Variants in HCN3 observed in about 807,000 individuals in gnomAD.
The protein encoded by HCN3 is potassium/sodium hyperpolarization-activated cyclic nucleotide-gated channel 3.
Under a neutral mutation model 56.8 loss-of-function variants are expected in HCN3, and 36 were observed. The observed-to-expected ratio is 0.63, with a 90% CI of 0.49 to 0.84. The LOEUF is 0.84. Among genes scored for constraint, HCN3 ranks in the 40% least tolerant of loss-of-function variants. The pLI is 0.00. For synonymous variants in HCN3, 425 were observed against 439.7 expected, an observed-to-expected ratio of 0.97 and a Z score of 0.42; for missense variants, 930 against 1,079.3, an observed-to-expected ratio of 0.86 and a Z score of 1.94.
In HCN3 at chr1:155,288,367, G is replaced by C. The variant is rs745447806; in HGVS notation, c.2229G>C (p.Gly743=). The stretch of plus-strand genomic sequence containing the variant: ...GAAGTGAGCGGCTGCCTCCCTCAGG[G>C]CTCCTGGCCAAACCTCCAAGGACAG... ...GSGSERLPPS[G]LLAKPPRTAQ... Residue 743 remains glycine, a synonymous_variant, in exon 8 of 8, where the codon GGG becomes GGC. Coordinates refer to ENST00000368358, the MANE Select transcript of HCN3 (RefSeq NM_020897.3). This position sits in a 1 kb window ranked among gnomAD's most constrained non-coding sequence, Gnocchi z 6.5. The C allele has an allele frequency of 2.5e-6, 4 of 1,613,840 alleles. No homozygotes were observed. Among genetic ancestry groups the C allele is most frequent in the Non-Finnish European group, 3.4e-6 (4 of 1,180,006 alleles).
At position 155,287,960 on chromosome 1, in the gene HCN3, C is replaced by T; in HGVS notation, c.1822C>T (p.His608Tyr). The T allele has an allele frequency of 6.2e-7, 1 of 1,614,130 alleles. No homozygotes were observed. The highest frequency in any genetic ancestry group is 8.5e-7 in the Non-Finnish European group (1 of 1,180,024). Residue 608 changes from histidine (H) to tyrosine (Y), a missense_variant, in exon 8 of 8, where the codon CAT (histidine) becomes TAT (tyrosine). His to Tyr is a moderately conservative substitution (Grantham distance 83, BLOSUM62 2). Transcript: ENST00000368358. ...GKPVLWEPLV[H>Y]APLQAAAVTS... is the part of the protein sequence containing the mutation. ...GCCAGTACTGTGGGAGCCACTGGTA[C>T]ATGCGCCCCTTCAGGCAGCTGCTGT...
chr1:155,277,485 C>G lies in HCN3; in HGVS notation c.-106C>G, dbSNP rs1673850938. 7.3e-7 allele frequency: 1 copy of G among 1,367,686 alleles called. No homozygotes were observed. Among genetic ancestry groups the G allele is most frequent in the Non-Finnish European group, 9.7e-7 (1 of 1,035,478 alleles). The allele number at this position is 1,367,686 out of a possible 1,614,324, so 84.7% of individuals were successfully genotyped here. On this transcript the variant is annotated 5_prime_UTR_variant, in exon 1 of 8. Coordinates refer to ENST00000368358, the MANE Select transcript of HCN3 (RefSeq NM_020897.3). Reference sequence around the variant, plus strand: ...GGCGATTCCGAGCCTACGACGCCTCCGCTAGAGCCCGCGGGGCTGCGCCGA... The same window carrying G: ...GGCGATTCCGAGCCTACGACGCCTCGGCTAGAGCCCGCGGGGCTGCGCCGA...
At position 155,288,069 on chromosome 1, in the gene HCN3, G is replaced by C. The variant is rs569376899; in HGVS notation, c.1931G>C (p.Arg644Pro). The C allele has an allele frequency of 1.2e-6, 2 of 1,612,750 alleles. No homozygotes were observed. The highest frequency in any genetic ancestry group is 1.7e-5 in the Admixed American group (1 of 59,962). Residue 644 changes from arginine (R) to proline (P), a missense_variant, in exon 8 of 8, where the codon CGC becomes CCC. By Grantham distance (103) the Arg-to-Pro change is moderately radical (BLOSUM62 -2). Transcript: ENST00000368358. The surrounding 1 kb of genome is among the most constrained non-coding windows in gnomAD (Gnocchi z 6.5). ...GACTCTCCAGCCACCCTCCTTGCTC[G>C]CTCTGCTTGGCGCTCAGCAGGCTCT... ...SPDSPATLLARSAWRSAGSPA... is the reference protein window; with the variant it reads ...SPDSPATLLAPSAWRSAGSPA...
rs1674116210 is a variant in HCN3, at chr1:155,282,831, G to A, written c.699G>A (p.Gln233=). 6.2e-7 allele frequency: 1 copy of A among 1,610,170 alleles called. No homozygotes were observed. The highest frequency in any genetic ancestry group is 8.5e-7 in the Non-Finnish European group (1 of 1,178,162). The stretch of plus-strand genomic sequence containing the variant: ...CCCGCCTCATCCGCTACATACACCA[G>A]TGGGAGGAGGTGGGGTGGGGAGATG... The part of the protein sequence containing the change: ...RLSRLIRYIH[Q]WEEIFHMTYD... The change falls in exon 2 of 8, where the codon CAG becomes CAA. Residue 233 remains glutamine, a synonymous_variant. Transcript: ENST00000368358. The surrounding 1 kb of genome is among the most constrained non-coding windows in gnomAD (Gnocchi z 4.7).
chr1:155,285,878 A>G lies in HCN3; in HGVS notation c.1391A>G (p.Lys464Arg), dbSNP rs778304407. Residue 464 changes from lysine (K) to arginine (R), a missense_variant, in exon 6 of 8, where the codon AAG (lysine) becomes AGG (arginine). Coordinates refer to ENST00000368358, the MANE Select transcript of HCN3 (RefSeq NM_020897.3). This position sits in a 1 kb window ranked among gnomAD's most constrained non-coding sequence, Gnocchi z 4.5. ...LVVREGSVGR[K>R]MYFIQHGLLS... ...GTGCGTGAGGGCTCCGTGGGGAGGAAGATGTACTTCATCCAGCATGGGCTG... is the reference window on the plus strand; with the variant it reads ...GTGCGTGAGGGCTCCGTGGGGAGGAGGATGTACTTCATCCAGCATGGGCTG... 1 of 1,614,146 alleles carries G rather than the reference A, an allele frequency of 6.2e-7. No homozygotes were observed. Among genetic ancestry groups the G allele is most frequent in the East Asian group, 2.2e-5 (1 of 44,880 alleles).
rs193089891 is a variant in HCN3, at chr1:155,286,659, G to C, written c.1478-514G>C. On this transcript the variant is annotated intron_variant, in intron 6 of 7. Coordinates refer to ENST00000368358, the MANE Select transcript of HCN3 (RefSeq NM_020897.3). ...TCAGGGACCCAGCCTGTGGCAGTAGGGGCAGTTCAGCCTTCCACTGCCCAA... is the reference window on the plus strand; with the variant it reads ...TCAGGGACCCAGCCTGTGGCAGTAGCGGCAGTTCAGCCTTCCACTGCCCAA... Among the ~76,000 whole-genome samples the C allele has an allele frequency of 5.7e-3, 865 of 152,222 alleles. 9 individuals are homozygous for C. Among genetic ancestry groups the C allele is most frequent in the African/African-American group, 0.02 (844 of 41,516 alleles).
In HCN3 at chr1:155,288,059, C is replaced by T; in HGVS notation, c.1921C>T (p.Leu641Phe). The T allele has an allele frequency of 6.2e-7, 1 of 1,613,472 alleles. No homozygotes were observed. The highest frequency in any genetic ancestry group is 8.5e-7 in the Non-Finnish European group (1 of 1,179,890). Reference protein sequence around the residue: ...LPLSPDSPATLLARSAWRSAG... With the variant: ...LPLSPDSPATFLARSAWRSAG... ...CCTCTCCCCTGACTCTCCAGCCACC[C>T]TCCTTGCTCGCTCTGCTTGGCGCTC... is the stretch of plus-strand genomic sequence containing the variant. Residue 641 changes from leucine to phenylalanine, a missense_variant, in exon 8 of 8, where the codon CTC (leucine) becomes TTC (phenylalanine). Leu to Phe is a conservative substitution (Grantham distance 22). Coordinates refer to ENST00000368358, the MANE Select transcript of HCN3 (RefSeq NM_020897.3). This position sits in a 1 kb window ranked among gnomAD's most constrained non-coding sequence, Gnocchi z 6.5.
At position 155,285,077 on chromosome 1, in the gene HCN3, C is replaced by A. The variant is rs1257192463; in HGVS notation, c.1090-88C>A. 3.3e-6 allele frequency: 5 copies of A among 1,493,090 alleles called. No homozygotes were observed. Among genetic ancestry groups the A allele is most frequent in the Non-Finnish European group, 4.6e-6 (5 of 1,092,546 alleles). 92.5% of individuals were successfully genotyped at this position (1,493,090 alleles called of 1,614,324 possible). On this transcript the variant is annotated intron_variant, in intron 4 of 7. Transcript: ENST00000368358. This position sits in a 1 kb window ranked among gnomAD's most constrained non-coding sequence, Gnocchi z 4.5. ...TCACCCCTTTGAGTTTGACCTGTGT[C>A]TCTGACCTTCCGCACACACACCCCA...
Position 155,277,870 on chromosome 1 carries a change from T to C in HCN3, c.278+2T>C. The C allele has an allele frequency of 6.2e-7, 1 of 1,610,960 alleles. No individual in the cohort carries two copies. The highest frequency in any genetic ancestry group is 8.5e-7 in the Non-Finnish European group (1 of 1,179,294). On this transcript the variant is annotated splice_donor_variant, in intron 1 of 7. Transcript: ENST00000368358. LOFTEE classifies it high-confidence loss of function. Reference sequence around the variant, plus strand: ...CATCCACCCCTACAGCGACTTCCGGTATTGGGGGCTTGGCGGGGAGGGCAG... The same window carrying C: ...CATCCACCCCTACAGCGACTTCCGGCATTGGGGGCTTGGCGGGGAGGGCAG...
Position 155,280,738 on chromosome 1 carries a change from ATTTTTTTTTTTTT to A in HCN3, c.279-1652_279-1640del, listed in dbSNP as rs34480594. 3.0e-3 allele frequency among the ~76,000 whole-genome samples: 102 copies of A among 34,570 alleles called. 1 individual carries two copies. The highest frequency in any genetic ancestry group is 0.011 in the African/African-American group (80 of 7,222). The allele number at this position is 34,570 out of a possible 152,430, so 22.7% of individuals were successfully genotyped here. On this transcript the variant is annotated intron_variant, in intron 1 of 7. Coordinates refer to ENST00000368358, the MANE Select transcript of HCN3 (RefSeq NM_020897.3). ...CAGGCGTGAGCCACCACGCCCAGCT[ATTTTTTTTTTTTT>A]TTTTTTTTTTTTTTTTTTTTGAGAC... is the stretch of plus-strand genomic sequence containing the variant.
In HCN3 at chr1:155,284,392, C is replaced by T. The variant is rs1366846327; in HGVS notation, c.871-147C>T. The T allele has an allele frequency of 1.0e-6, 1 of 955,462 alleles. No individual in the cohort carries two copies. Among genetic ancestry groups the T allele is most frequent in the Non-Finnish European group, 1.5e-6 (1 of 659,790 alleles). The allele number at this position is 955,462 out of a possible 1,614,324, so 59.2% of individuals were successfully genotyped here. On this transcript the variant is annotated intron_variant, in intron 3 of 7. Coordinates refer to ENST00000368358, the MANE Select transcript of HCN3 (RefSeq NM_020897.3). The surrounding 1 kb of genome is among the most constrained non-coding windows in gnomAD (Gnocchi z 4.3). ...AATAGAGGACCCTTTTGCCTCAGGG[C>T]CCCCCAGAACCAAACTTAAGTGCCT... is the stretch of plus-strand genomic sequence containing the variant.
chr1:155,288,180 C>G lies in HCN3; in HGVS notation c.2042C>G (p.Ala681Gly), dbSNP rs772845242. The G allele has an allele frequency of 6.3e-7, 1 of 1,576,440 alleles. No individual in the cohort carries two copies. The highest frequency in any genetic ancestry group is 1.4e-5 in the African/African-American group (1 of 74,064). The change falls in exon 8 of 8, where the codon GCC becomes GGC. Residue 681 changes from alanine to glycine, a missense_variant. Physicochemically the swap from Ala to Gly is moderately conservative, Grantham distance 60. Transcript: ENST00000368358. The surrounding 1 kb of genome is among the most constrained non-coding windows in gnomAD (Gnocchi z 6.5). ...LPAPPARTLHASLSRAGRSQV... is the reference protein window; with the variant it reads ...LPAPPARTLHGSLSRAGRSQV... ...GCCCCACCTGCCCGAACCCTGCACG[C>G]CAGCCTATCCCGGGCAGGGCGCTCC...
chr1:155,285,707 G>C lies in HCN3; in HGVS notation c.1237-17G>C. 2 of 1,613,398 alleles carry C rather than the reference G, an allele frequency of 1.2e-6. No individual in the cohort carries two copies. The highest frequency in any genetic ancestry group is 1.7e-6 in the Non-Finnish European group (2 of 1,179,522). ...GTCAGGGGCACAGCCTGCCTGACAGGCCCCTCCCCTGTCCAGGAGATCATT... is the reference window on the plus strand; with the variant it reads ...GTCAGGGGCACAGCCTGCCTGACAGCCCCCTCCCCTGTCCAGGAGATCATT... On this transcript the variant is annotated splice_polypyrimidine_tract_variant and intron_variant, in intron 5 of 7. Transcript: ENST00000368358. This position sits in a 1 kb window ranked among gnomAD's most constrained non-coding sequence, Gnocchi z 4.5.
rs753591594 is a variant in HCN3 at position 155,282,815 on chromosome 1, T to C, written c.683T>C (p.Ile228Thr). 1 of 1,428,194 alleles carries C rather than the reference T, an allele frequency of 7.0e-7. No homozygotes were observed. Among genetic ancestry groups the C allele is most frequent in the Non-Finnish European group, 9.4e-7 (1 of 1,065,306 alleles). 88.5% of individuals were successfully genotyped at this position (1,428,194 alleles called of 1,614,324 possible). A position where few individuals can be genotyped will look rare whatever the true frequency, so the allele number is the denominator to read the frequency against. ...AGGCTGCTCCGCCTCTCCCGCCTCA[T>C]CCGCTACATACACCAGTGGGAGGAG... The part of the protein sequence containing the change: ...LLRLLRLSRL[I>T]RYIHQWEEIF... Residue 228 changes from isoleucine to threonine, a missense_variant, in exon 2 of 8, where the codon ATC becomes ACC. Physicochemically the swap from Ile to Thr is moderately conservative, Grantham distance 89. Coordinates refer to ENST00000368358, the MANE Select transcript of HCN3 (RefSeq NM_020897.3). This position sits in a 1 kb window ranked among gnomAD's most constrained non-coding sequence, Gnocchi z 4.7.
Position 155,287,921 on chromosome 1 carries a change from C to T in HCN3, c.1783C>T (p.Gln595Ter). 6.2e-7 allele frequency: 1 copy of T among 1,614,026 alleles called. No homozygotes were observed. The highest frequency in any genetic ancestry group is 8.5e-7 in the Non-Finnish European group (1 of 1,180,032). ...VRGRAPSTGA[Q>*]LSGKPVLWEP... ...GGGTCGGGCCCCGAGCACAGGAGCT[C>T]AGCTTAGTGGAAAGCCAGTACTGTG... Residue 595 changes from glutamine to a stop codon, truncating the protein, a stop_gained, in exon 8 of 8, where the codon CAG (glutamine) becomes TAG (stop). Coordinates refer to ENST00000368358, the MANE Select transcript of HCN3 (RefSeq NM_020897.3). LOFTEE classifies it high-confidence loss of function.
Position 155,288,157 on chromosome 1 carries a change from C to A in HCN3, c.2019C>A (p.Ala673=). 6.3e-7 allele frequency: 1 copy of A among 1,581,952 alleles called. No individual in the cohort carries two copies. The highest frequency in any genetic ancestry group is 8.6e-7 in the Non-Finnish European group (1 of 1,169,022). Residue 673 remains alanine, a synonymous_variant, in exon 8 of 8, where the codon GCC becomes GCA. Coordinates refer to ENST00000368358, the MANE Select transcript of HCN3 (RefSeq NM_020897.3). The surrounding 1 kb of genome is among the most constrained non-coding windows in gnomAD (Gnocchi z 6.5). ...GPWASTSRLP[A]PPARTLHASL... ...GGGCATCCACCTCCCGCCTGCCCGC[C>A]CCACCTGCCCGAACCCTGCACGCCA... is the stretch of plus-strand genomic sequence containing the variant.
chr1:155,286,593 T>C (rs2148185070), intron 6 of HCN3, among the ~76,000 whole-genome samples: 1 of 152,280 alleles, frequency 6.6e-6, no homozygotes, highest in African/African-American at 2.4e-5. Flanking sequence ...AGCAGAGCTG[T>C]CCTGGAGCAT....
At chr1:155,287,564 C>T (rs571656459) in intron 7 of HCN3, among the ~76,000 whole-genome samples, 1 of 152,136 alleles carries the variant, frequency 6.6e-6, no homozygotes, top group South Asian at 2.1e-4. Context: ...AGTCCTCCTT[C>T]CCCTGAGTAC....
chr1:155,283,695 G>T (rs914380465), intron 2 of HCN3, among the ~76,000 whole-genome samples: 3 of 151,840 alleles, frequency 2.0e-5, no homozygotes, highest in African/African-American at 7.3e-5. Flanking sequence ...TTGTGCAATA[G>T]ATTTGTTTGA....
Sources: gnomAD v4.1 joint callset for allele counts (sites outside exome capture counted in the v4.1 genomes callset) on GRCh38, gnomAD v4.1.1 for gene constraint, Gnocchi (gnomAD v3.1) non-coding constraint, MANE v1.5 for transcripts, NCBI Gene and HGNC (gene_info 2026-07-23, HGNC 2026-07-21) for gene names.